Variants in ABCA8 observed in about 807,000 individuals in gnomAD.
ABCA8 encodes ATP binding cassette subfamily A member 8.
A neutral mutation model predicts 192.3 loss-of-function variants in ABCA8; 177 were observed. That is an observed-to-expected ratio of 0.92 (90% CI 0.81 to 1.04). The LOEUF (loss-of-function observed/expected upper bound fraction) is 1.04. Among genes scored for constraint, ABCA8 ranks in the 50% least tolerant of loss-of-function variants. The probability of loss-of-function intolerance (pLI) is 0.00; values close to 1 mark genes in which losing one functional copy is unlikely to be tolerated. For synonymous variants in ABCA8, 642 were observed against 690.2 expected (o/e 0.93, Z 1.09); for missense variants, 1,915 against 1,904.8 (o/e 1.01, Z -0.10).
chr17:68,906,293 A>G (rs1315282296), intron 18 of ABCA8, 130 bp from the exon 19 acceptor site: 3 of 587,770 alleles, frequency 5.1e-6, no homozygotes, highest in East Asian at 3.3e-5. Context: ...GAAAATTAAC[A>G]TTTCATAATA....
chr17:68,908,480 G>A (rs909550512), intron 17 of ABCA8, among the ~76,000 whole-genome samples: 13 of 152,208 alleles, frequency 8.5e-5, no homozygotes, highest in Admixed American at 2.6e-4. Flanking sequence ...TGTCTAGTGC[G>A]GGCGTCAGGA....
Position 68,903,304 on chromosome 17 carries a change from G to A in ABCA8, c.2594C>T (p.Ala865Val), listed in dbSNP as rs2066962333. The change falls in exon 20 of 40, where the codon GCA becomes GTA. Residue 865 changes from alanine (A) to valine (V), a missense_variant. Physicochemically the swap from Ala to Val is moderately conservative, Grantham distance 64. Transcript: ENST00000586539. ...CTATGGCAACTCTGATACTTACAGTGCTAAAAGAGCTTTTCTTTCATGCTT... is the reference window on the plus strand; with the variant it reads ...CTATGGCAACTCTGATACTTACAGTACTAAAAGAGCTTTTCTTTCATGCTT... ...KLKHERKALL[A>V]LLLILMAGFC... 6.2e-7 allele frequency: 1 copy of A among 1,613,946 alleles called. No homozygotes were observed. The highest frequency in any genetic ancestry group is 1.3e-5 in the African/African-American group (1 of 74,896).
chr17:68,889,181 G>C (rs1445184455), intron 24 of ABCA8, among the ~76,000 whole-genome samples: 3 of 152,194 alleles, frequency 2.0e-5, no homozygotes. Flanking sequence ...GGGCAACAGA[G>C]AGAGAGAAAA....
At chr17:68,918,883 T>C (rs143433277) in intron 14 of ABCA8, among the ~76,000 whole-genome samples, 3 of 130,048 alleles carry the variant, frequency 2.3e-5, no homozygotes, top group African/African-American at 6.1e-5. Context: ...TGAGCCGGCA[T>C]AGGGCCATTG....
In ABCA8 at chr17:68,875,328, G is replaced by T. The variant is rs1245244420; in HGVS notation, c.4563C>A (p.Asn1521Lys). Residue 1521 changes from asparagine to lysine, a missense_variant, in exon 37 of 40, where the codon AAC becomes AAA. Transcript: ENST00000586539. ...KDYLLEMKVK[N>K]LAQVEPLHAE... Reference sequence around the variant, plus strand: ...CATGGAGGGGCTCCACTTGTGCCAGGTTCTTCACCTTCATCTCCAGCAGGT... The same window carrying T: ...CATGGAGGGGCTCCACTTGTGCCAGTTTCTTCACCTTCATCTCCAGCAGGT... 3.1e-6 allele frequency: 5 copies of T among 1,614,014 alleles called. No homozygotes were observed. Among genetic ancestry groups the T allele is most frequent in the Non-Finnish European group, 4.2e-6 (5 of 1,180,026 alleles).
rs1374582361 is a variant in ABCA8, at chr17:68,937,155, T to C, written c.302-40A>G. Reference sequence around the variant, plus strand: ...AGGAATATTATTGTTAGTAAATTACTAGGAGACACAACTTCAGGATGTCAT... The same window carrying C: ...AGGAATATTATTGTTAGTAAATTACCAGGAGACACAACTTCAGGATGTCAT... On this transcript the variant is annotated intron_variant, in intron 4 of 39. Transcript: ENST00000586539. 3 of 1,511,404 alleles carry C rather than the reference T, an allele frequency of 2.0e-6. No individual in the cohort carries two copies. The African/African-American group carries it at 4.3e-5, about 22-fold the overall frequency. 93.6% of individuals were successfully genotyped at this position (1,511,404 alleles called of 1,614,324 possible). A position where few individuals can be genotyped will look rare whatever the true frequency, so the allele number is the denominator to read the frequency against.
intron 37 of ABCA8, among the ~76,000 whole-genome samples, chr17:68,875,012 C>T (rs1367179510): frequency 6.6e-6 from 1 of 152,118 alleles, no homozygotes; most frequent in Non-Finnish European, 1.5e-5. Flanking sequence ...GCTATGTCTA[C>T]GGTGAAAAGT....
At chr17:68,871,976 T>G (rs184988758) in intron 37 of ABCA8, among the ~76,000 whole-genome samples, 67 of 152,248 alleles carry the variant, frequency 4.4e-4, no homozygotes, top group Non-Finnish European at 7.2e-4. Context: ...AAAAGTTAAC[T>G]GTAAAAAAGC....
rs1212901091 is a variant in ABCA8 at position 68,887,999 on chromosome 17, CAT to C, written c.3145-495_3145-494del. 5.9e-5 allele frequency among the ~76,000 whole-genome samples: 8 copies of C among 135,202 alleles called. No individual in the cohort carries two copies. In the East Asian group the frequency reaches 1.5e-3, roughly 25 times the overall value. 88.7% of individuals were successfully genotyped at this position (135,202 alleles called of 152,430 possible). ...ATATATGGATATATACACACACACA[CAT>C]ATATATGGATATATATATGGAGTGT... On this transcript the variant is annotated intron_variant, in intron 24 of 39. Coordinates refer to ENST00000586539, the MANE Select transcript of ABCA8 (RefSeq NM_001288985.2).
In ABCA8 at chr17:68,877,627, C is replaced by A; in HGVS notation, c.4091G>T (p.Cys1364Phe). ...GGGCCACAGCGCGTTCTCCTGAGGG[C>A]AGTACCCCAGGAACTCCAGGGCATC... ...GGDALEFLGY[C>F]PQENALWPNL... Residue 1364 changes from cysteine to phenylalanine, a missense_variant, in exon 33 of 40, where the codon TGC becomes TTC. Coordinates refer to ENST00000586539, the MANE Select transcript of ABCA8 (RefSeq NM_001288985.2). The A allele has an allele frequency of 6.2e-7, 1 of 1,614,068 alleles. No homozygotes were observed. The highest frequency in any genetic ancestry group is 1.1e-5 in the South Asian group (1 of 91,060).
intron 11 of ABCA8, 61 bp from the exon 12 acceptor site, chr17:68,922,361 G>T (rs2067568344): frequency 1.8e-6 from 2 of 1,134,842 alleles, no homozygotes; most frequent in East Asian, 3.0e-5. Context: ...TTTCCAGTTT[G>T]GTAGACAGGA....
chr17:68,927,887 T>C (rs1193633521), intron 10 of ABCA8, 29 bp downstream of exon 10: 4 of 1,455,358 alleles, frequency 2.7e-6, no homozygotes, highest in African/African-American at 1.4e-5. Context: ...ATTTAAATGA[T>C]ATATGATTTT....
At chr17:68,917,040 C>T (rs1429012146) in intron 17 of ABCA8, among the ~76,000 whole-genome samples, 11 of 152,034 alleles carry the variant, frequency 7.2e-5, no homozygotes, top group South Asian at 2.1e-4. Context: ...GAGGCCGAGG[C>T]GGGCGGATCA....
intron 28 of ABCA8, 43 bp from the exon 29 acceptor site, chr17:68,883,925 A>G (rs1419164405): frequency 7.9e-7 from 1 of 1,258,048 alleles, no homozygotes; most frequent in Non-Finnish European, 1.1e-6. Flanking sequence ...ATAAAAAGAT[A>G]ATTGTTCAAT....
chr17:68,917,887 T>G (rs1258074934), intron 16 of ABCA8, among the ~76,000 whole-genome samples, 160 bp downstream of exon 16: 4 of 152,214 alleles, frequency 2.6e-5, no homozygotes, highest in Admixed American at 6.5e-5. Context: ...CTGAAATGGT[T>G]GCAAGAGGCT....
chr17:68,923,210 T>A (rs925430079), intron 11 of ABCA8, among the ~76,000 whole-genome samples: 14 of 151,534 alleles, frequency 9.2e-5, no homozygotes, highest in African/African-American at 3.4e-4. Flanking sequence ...ATTATTATTT[T>A]TTTTTTTGAG....
At chr17:68,918,403 A>C (rs960907676) in intron 15 of ABCA8, 24 bp downstream of exon 15, 1 of 1,555,960 alleles carries the variant, frequency 6.4e-7, no homozygotes, top group Non-Finnish European at 8.6e-7. Flanking sequence ...CTTTGAATTC[A>C]CCTGCAAATT....
intron 18 of ABCA8, 68 bp downstream of exon 18, chr17:68,907,672 A>G: frequency 2.2e-6 from 3 of 1,348,136 alleles, no homozygotes; most frequent in Non-Finnish European, 3.0e-6. Flanking sequence ...GTTAGTTGTA[A>G]TGATAATAAT....
chr17:68,945,190 T>A (rs2068364613), intron 2 of ABCA8, among the ~76,000 whole-genome samples: 1 of 152,120 alleles, frequency 6.6e-6, no homozygotes, highest in South Asian at 2.1e-4. Flanking sequence ...CAGAGCCAAA[T>A]TATTTACAAA....
Sources: allele counts gnomAD v4.1 joint callset (sites outside exome capture counted in the v4.1 genomes callset), GRCh38; gene constraint gnomAD v4.1.1; transcripts MANE v1.5; gene names NCBI Gene and HGNC (gene_info 2026-07-23, HGNC 2026-07-21).